NFS1: variants seen among roughly 807,000 people sequenced by gnomAD.
NFS1 encodes the protein cysteine desulfurase.
A neutral mutation model predicts 57.3 loss-of-function variants in NFS1; 26 were observed. The observed-to-expected ratio is 0.45, with a 90% CI of 0.33 to 0.63. The LOEUF (loss-of-function observed/expected upper bound fraction) is 0.63. Among genes scored for constraint, NFS1 ranks in the 20% least tolerant of loss-of-function variants. The pLI is 0.02. For synonymous variants in NFS1, 209 were observed against 216.3 expected, an observed-to-expected ratio of 0.97 and a Z score of 0.30; for missense variants, 505 against 605.8, an observed-to-expected ratio of 0.83 and a Z score of 1.75.
Position 35,699,268 on chromosome 20 carries a change from C to T in NFS1, c.21G>A (p.Trp7Ter). 1.4e-6 allele frequency: 2 copies of T among 1,421,548 alleles called. No individual in the cohort carries two copies. The highest frequency in any genetic ancestry group is 1.8e-6 in the Non-Finnish European group (2 of 1,097,226). 88.1% of individuals were successfully genotyped at this position (1,421,548 alleles called of 1,614,324 possible). ...CTGTCACCGCCACTGCCGCCCGCCT[C>T]CAAGCGGCTCGGAGCAGCATGGTCC... is the stretch of plus-strand genomic sequence containing the variant. Reference protein sequence around the residue: MLLRAAWRRAAVAVTAA... With the variant: MLLRAA The change falls in exon 1 of 13, where the codon TGG becomes TGA. Residue 7 changes from tryptophan to a stop codon, truncating the protein, a stop_gained. Coordinates refer to ENST00000374092, the MANE Select transcript of NFS1 (RefSeq NM_021100.5). LOFTEE classifies it high-confidence loss of function. The surrounding 1 kb of genome is among the most constrained non-coding windows in gnomAD (Gnocchi z 4.4).
intron 5 of NFS1, among the ~76,000 whole-genome samples, chr20:35,684,048 G>A (rs2034896579): frequency 6.6e-6 from 1 of 152,150 alleles, no homozygotes; most frequent in Admixed American, 6.6e-5. Context: ...GGGAGGCAGA[G>A]GTTGCAGTGA....
intron 7 of NFS1, among the ~76,000 whole-genome samples, chr20:35,679,195 G>A (rs942083185): frequency 4.6e-5 from 7 of 151,984 alleles, no homozygotes; most frequent in Admixed American, 2.6e-4. Context: ...GAGTTCATGA[G>A]ATTTTTTTTG....
chr20:35,698,992 G>A, intron 1 of NFS1, 200 bp downstream of exon 1: 1 of 1,325,704 alleles, frequency 7.5e-7, no homozygotes, highest in Non-Finnish European at 9.6e-7. Context: ...CTGGGGGCCT[G>A]TCGCGCAGGG....
At chr20:35,698,431 GC>G (rs767392619) in intron 2 of NFS1, 49 bp downstream of exon 2, 2 of 1,305,978 alleles carry the variant, frequency 1.5e-6, no homozygotes, top group Admixed American at 4.2e-5. Context: ...GCGTGATCAC[GC>G]CCATCATTTA....
chr20:35,696,751 C>T (rs1301367475), intron 3 of NFS1, among the ~76,000 whole-genome samples: 1 of 152,038 alleles, frequency 6.6e-6, no homozygotes, highest in Non-Finnish European at 1.5e-5. Flanking sequence ...GAAAGATCAC[C>T]TGAGGTCAGG....
Position 35,675,074 on chromosome 20 carries a change from C to T in NFS1, c.919G>A (p.Ala307Thr), listed in dbSNP as rs2034718316. The T allele has an allele frequency of 6.2e-7, 1 of 1,614,058 alleles. No homozygotes were observed. The highest frequency in any genetic ancestry group is 8.5e-7 in the Non-Finnish European group (1 of 1,179,960). Residue 307 changes from alanine to threonine, a missense_variant, in exon 8 of 13, where the codon GCG becomes ACG. By Grantham distance (58) the Ala-to-Thr change is moderately conservative. Transcript: ENST00000374092. ...ATCTCTTGCTGTGCCACCTCACACG[C>T]AGCCCCCAGCCCCACCACTAAGGGT... ...PTPLVVGLGAACEVAQQEMEY... is the reference protein window; with the variant it reads ...PTPLVVGLGATCEVAQQEMEY...
chr20:35,690,665 T>C, intron 4 of NFS1, 100 bp from the exon 5 acceptor site: 1 of 1,147,278 alleles, frequency 8.7e-7, no homozygotes, highest in Non-Finnish European at 1.3e-6. Flanking sequence ...AACAGTATGC[T>C]CCAACACCAG....
intron 2 of NFS1, among the ~76,000 whole-genome samples, 195 bp downstream of exon 2, chr20:35,698,286 G>A (rs950032133): frequency 1.3e-5 from 2 of 152,244 alleles, no homozygotes; most frequent in African/African-American, 2.4e-5. Context: ...GAAGTGATCT[G>A]ACCAAGGTCA....
At chr20:35,691,185 T>C (rs1330595151) in intron 4 of NFS1, among the ~76,000 whole-genome samples, 1 of 152,138 alleles carries the variant, frequency 6.6e-6, no homozygotes, top group Non-Finnish European at 1.5e-5. Flanking sequence ...TTTAAAAATC[T>C]GGAGAAATAT....
Position 35,693,318 on chromosome 20 carries a change from G to A in NFS1, c.409-2753C>T, listed in dbSNP as rs1455784973. On this transcript the variant is annotated intron_variant, in intron 4 of 12. Transcript: ENST00000374092. ...TCACCATTTTGCCCAGGATGGTCTC[G>A]AACTCCTGAGCTCAGACAACCTGCC... is the stretch of plus-strand genomic sequence containing the variant. 3.3e-5 allele frequency among the ~76,000 whole-genome samples: 5 copies of A among 151,866 alleles called. No homozygotes were observed. In the South Asian group the frequency reaches 8.3e-4, roughly 25 times the overall value.
At chr20:35,672,646 C>A (rs997464913) in intron 12 of NFS1, 109 bp downstream of exon 12, 2 of 741,090 alleles carry the variant, frequency 2.7e-6, no homozygotes, top group Admixed American at 2.1e-5. Context: ...ATCCTAAGAT[C>A]CAAGTACGCT....
At chr20:35,679,496 A>G (rs114378974) in intron 7 of NFS1, among the ~76,000 whole-genome samples, 5,698 of 152,190 alleles carry the variant, frequency 0.037, 373 homozygotes, top group African/African-American at 0.13. Flanking sequence ...AGATGTTTTA[A>G]TACAGGCATA....
intron 1 of NFS1, chr20:35,698,897 G>A (rs557029840): frequency 7.6e-6 from 10 of 1,321,934 alleles, no homozygotes; most frequent in Non-Finnish European, 9.6e-6. Context: ...AGTCCCTTCT[G>A]ACCGAAGGTA....
chr20:35,674,941 C>A (rs892247474), intron 8 of NFS1, 104 bp downstream of exon 8: 114 of 1,476,492 alleles, frequency 7.7e-5, no homozygotes, highest in Non-Finnish European at 1.0e-4. Context: ...TTTTCTTAAG[C>A]CCTCTCTCCC....
intron 12 of NFS1, among the ~76,000 whole-genome samples, chr20:35,671,047 T>G (rs923379478): frequency 6.6e-6 from 1 of 152,206 alleles, no homozygotes. Flanking sequence ...GCTCTGTGGC[T>G]ACTAGGGGAA....
chr20:35,674,906 CCAG>C, intron 8 of NFS1, 136 bp downstream of exon 8: 1 of 1,163,934 alleles, frequency 8.6e-7, no homozygotes, highest in Middle Eastern at 2.9e-4. Flanking sequence ...GAACAAGGTG[CCAG>C]CAGCACCAGG....
Position 35,699,227 on chromosome 20 carries a change from T to TTCGGCCC in NFS1, c.55_61dup (p.Lys21ArgfsTer57). The TTCGGCCC allele has an allele frequency of 1.4e-6, 2 of 1,430,712 alleles. No homozygotes were observed. Among genetic ancestry groups the TTCGGCCC allele is most frequent in the Non-Finnish European group, 1.8e-6 (2 of 1,101,078 alleles). 88.6% of individuals were successfully genotyped at this position (1,430,712 alleles called of 1,614,324 possible). A position where few individuals can be genotyped will look rare whatever the true frequency, so the allele number is the denominator to read the frequency against. On this transcript the variant is annotated frameshift_variant, in exon 1 of 13. Transcript: ENST00000374092. LOFTEE classifies it high-confidence loss of function. This position sits in a 1 kb window ranked among gnomAD's most constrained non-coding sequence, Gnocchi z 4.4. ...CAGCCCCCGAGTGGGCGCCGCGGGCTTCGGCCCTGGAGCCGCTGTCACCGC... is the reference window on the plus strand; with the variant it reads ...CAGCCCCCGAGTGGGCGCCGCGGGCTTCGGCCCTCGGCCCTGGAGCCGCTGTCACCGC...
chr20:35,674,812 C>A (rs945745040), intron 8 of NFS1, 195 bp from the exon 9 acceptor site: 2 of 683,416 alleles, frequency 2.9e-6, no homozygotes, highest in Admixed American at 2.9e-5. Context: ...TAACTGGACA[C>A]AGGGTTCATT....
rs1196398398 is a variant in NFS1 at position 35,680,778 on chromosome 20, T to C, written c.749A>G (p.Asp250Gly). ...TTTGTGACCACTAATGCTCATGAGA[T>C]CAATTTTCATGTCATTGACATCAAG... ...IPLDVNDMKI[D>G]LMSISGHKIY... The change falls in exon 7 of 13, where the codon GAT becomes GGT. Residue 250 changes from aspartate to glycine, a missense_variant. Transcript: ENST00000374092. 1.9e-6 allele frequency: 3 copies of C among 1,572,082 alleles called. No individual in the cohort carries two copies. In the Admixed American group the frequency reaches 5.5e-5, roughly 29 times the overall value.
Sources: gnomAD v4.1 joint callset for allele counts (sites outside exome capture counted in the v4.1 genomes callset) on GRCh38, gnomAD v4.1.1 for gene constraint, Gnocchi (gnomAD v3.1) non-coding constraint, MANE v1.5 for transcripts, NCBI Gene and HGNC (gene_info 2026-07-23, HGNC 2026-07-21) for gene names.